Variants in MAPK8IP1 observed in about 807,000 individuals in gnomAD.
MAPK8IP1 encodes C-Jun-amino-terminal kinase-interacting protein 1.
MAPK8IP1 carries 17 observed loss-of-function variants against 72.6 expected under a neutral mutation model. That is an observed-to-expected ratio of 0.23 (90% CI 0.16 to 0.35). The LOEUF is 0.35. MAPK8IP1 is among the 10% of genes least tolerant of loss of function. The pLI, the probability that MAPK8IP1 is intolerant of heterozygous loss-of-function variation, is 1.00. For synonymous variants in MAPK8IP1, 401 were observed against 443.4 expected, an observed-to-expected ratio of 0.90 and a Z score of 1.20; for missense variants, 789 against 1,009.7, an observed-to-expected ratio of 0.78 and a Z score of 2.96.
intron 1 of MAPK8IP1, among the ~76,000 whole-genome samples, chr11:45,887,346 T>G (rs1210585613): frequency 1.3e-5 from 2 of 152,180 alleles, no homozygotes; most frequent in Non-Finnish European, 2.9e-5. Flanking sequence ...TCAACAAGTG[T>G]CAGCCCCCAC....
intron 11 of MAPK8IP1, among the ~76,000 whole-genome samples, 189 bp from the exon 12 acceptor site, chr11:45,905,460 T>A (rs2086700163): frequency 6.6e-6 from 1 of 152,192 alleles, no homozygotes; most frequent in Non-Finnish European, 1.5e-5. Flanking sequence ...TGTTGGGCCA[T>A]GTCTTCAACT....
chr11:45,899,147 T>A (rs1182863491), intron 2 of MAPK8IP1, among the ~76,000 whole-genome samples: 1 of 152,176 alleles, frequency 6.6e-6, no homozygotes, highest in East Asian at 1.9e-4. Flanking sequence ...TACCCCAACC[T>A]TCCACTCTCT....
In MAPK8IP1 at chr11:45,902,942, A is replaced by C. The variant is rs1565074949; in HGVS notation, c.1175A>C (p.Glu392Ala). ...TLVVDEHAQL[E>A]LVSLRPCFGD... ...GTGGTAGATGAGCATGCACAGCTGG[A>C]GCTGGTGAGCCTGCGGCCGTGCTTC... Residue 392 changes from glutamate (E) to alanine (A), a missense_variant, in exon 5 of 12, where the codon GAG becomes GCG. By Grantham distance (107) the Glu-to-Ala change is moderately radical. Transcript: ENST00000241014. The surrounding 1 kb of genome is among the most constrained non-coding windows in gnomAD (Gnocchi z 9.3). 1 of 1,611,850 alleles carries C rather than the reference A, an allele frequency of 6.2e-7. No individual in the cohort carries two copies. Among genetic ancestry groups the C allele is most frequent in the Non-Finnish European group, 8.5e-7 (1 of 1,179,736 alleles).
intron 1 of MAPK8IP1, among the ~76,000 whole-genome samples, chr11:45,890,861 AC>A (rs2086561408): frequency 6.6e-6 from 1 of 152,100 alleles, no homozygotes; most frequent in Non-Finnish European, 1.5e-5. Flanking sequence ...GGGGCCAAAG[AC>A]CCTGGGAGTC....
Position 45,900,006 on chromosome 11 carries a change from C to T in MAPK8IP1, c.208-132C>T, listed in dbSNP as rs1241741927. ...GGACGGGCGAGAGCGCCCCAGTCTC[C>T]GGCGGCCCCTGCTCGGCTCCCCTCG... On this transcript the variant is annotated intron_variant, in intron 2 of 11. Coordinates refer to ENST00000241014, the MANE Select transcript of MAPK8IP1 (RefSeq NM_005456.4). The surrounding 1 kb of genome is among the most constrained non-coding windows in gnomAD (Gnocchi z 6.5). 4 of 480,876 alleles carry T rather than the reference C, an allele frequency of 8.3e-6. No individual in the cohort carries two copies. The highest frequency in any genetic ancestry group is 1.2e-5 in the Non-Finnish European group (4 of 336,882). 29.8% of individuals were successfully genotyped at this position (480,876 alleles called of 1,614,324 possible). A position where few individuals can be genotyped will look rare whatever the true frequency, so the allele number is the denominator to read the frequency against.
chr11:45,902,169 C>A lies in MAPK8IP1; in HGVS notation c.604+108C>A. 2 of 1,102,536 alleles carry A rather than the reference C, an allele frequency of 1.8e-6. No individual in the cohort carries two copies. Among genetic ancestry groups the A allele is most frequent in the Non-Finnish European group, 1.4e-6 (1 of 714,044 alleles). The allele number at this position is 1,102,536 out of a possible 1,614,324, so 68.3% of individuals were successfully genotyped here. On this transcript the variant is annotated intron_variant, in intron 4 of 11. Coordinates refer to ENST00000241014, the MANE Select transcript of MAPK8IP1 (RefSeq NM_005456.4). This position sits in a 1 kb window ranked among gnomAD's most constrained non-coding sequence, Gnocchi z 9.3. ...CAAAGGGCTGAGTAGAGGTGAACTG[C>A]CCACCCACATCCCTGCACGAGCCCA...
At position 45,900,240 on chromosome 11, in the gene MAPK8IP1, C is replaced by T; in HGVS notation, c.310C>T (p.Pro104Ser). Residue 104 changes from proline (P) to serine (S), a missense_variant, in exon 3 of 12, where the codon CCC (proline) becomes TCC (serine). Transcript: ENST00000241014. The surrounding 1 kb of genome is among the most constrained non-coding windows in gnomAD (Gnocchi z 6.5). ...CCTGATCGACGCGACGGGGGACACT[C>T]CCGGGGCCGAGGACGACGAGGAGGA... ...MDLIDATGDT[P>S]GAEDDEEDDD... The T allele has an allele frequency of 1.5e-6, 2 of 1,336,130 alleles. No homozygotes were observed. The highest frequency in any genetic ancestry group is 1.9e-6 in the Non-Finnish European group (2 of 1,050,836). 82.8% of individuals were successfully genotyped at this position (1,336,130 alleles called of 1,614,324 possible). A position where few individuals can be genotyped will look rare whatever the true frequency, so the allele number is the denominator to read the frequency against.
At chr11:45,905,541 A>G (rs1347174280) in intron 11 of MAPK8IP1, 108 bp from the exon 12 acceptor site, 6 of 990,760 alleles carry the variant, frequency 6.1e-6, no homozygotes, top group Non-Finnish European at 8.1e-6. Context: ...CAGAGGAACC[A>G]GAGCTGCACT....
At position 45,898,871 on chromosome 11, in the gene MAPK8IP1, A is replaced by G. The variant is rs150705478; in HGVS notation, c.207+681A>G. On this transcript the variant is annotated intron_variant, in intron 2 of 11. Coordinates refer to ENST00000241014, the MANE Select transcript of MAPK8IP1 (RefSeq NM_005456.4). ...CTGGGGTCAGATGGGGATCCCAACT[A>G]TGTCTTTTCAGAACAGGAAGAAGGG... Among the ~76,000 whole-genome samples, 34 of 152,300 alleles carry G rather than the reference A, an allele frequency of 2.2e-4. 1 individual carries two copies. The East Asian group carries it at 4.8e-3, about 22-fold the overall frequency.
intron 1 of MAPK8IP1, chr11:45,897,063 T>G: frequency 1.8e-6 from 2 of 1,131,032 alleles, no homozygotes; most frequent in Non-Finnish European, 2.6e-6. Context: ...CCTCCTAGGT[T>G]CCCCTGGGGG....
In MAPK8IP1 at chr11:45,900,139, C is replaced by T. The variant is rs2134673854; in HGVS notation, c.209C>T (p.Pro70Leu). 8 of 1,276,062 alleles carry T rather than the reference C, an allele frequency of 6.3e-6. No individual in the cohort carries two copies. In the South Asian group the frequency reaches 1.8e-4, roughly 29 times the overall value. 79.0% of individuals were successfully genotyped at this position (1,276,062 alleles called of 1,614,324 possible). A position where few individuals can be genotyped will look rare whatever the true frequency, so the allele number is the denominator to read the frequency against. ...LQCKDTLSLR[P>L]PRAGLLSAGG... is the part of the protein sequence containing the mutation. ...GACGCCCCTCCGTGCGCTGTGCAGC[C>T]CCCGCGCGCCGGGCTGCTCTCTGCG... is the stretch of plus-strand genomic sequence containing the variant. The change falls in exon 3 of 12, where the codon CCC (proline) becomes CTC (leucine). Residue 70 changes from proline (P) to leucine (L), a missense_variant and splice_region_variant. Around this residue, in one of 4 missense-constraint regions of MAPK8IP1, gnomAD observed 112 missense variants for 111.8 expected, o/e 1.00. Coordinates refer to ENST00000241014, the MANE Select transcript of MAPK8IP1 (RefSeq NM_005456.4). This position sits in a 1 kb window ranked among gnomAD's most constrained non-coding sequence, Gnocchi z 6.5.
intron 1 of MAPK8IP1, among the ~76,000 whole-genome samples, chr11:45,896,355 G>T (rs1167578575): frequency 6.6e-6 from 1 of 152,242 alleles, no homozygotes; most frequent in Non-Finnish European, 1.5e-5. Flanking sequence ...CATTCTTAGG[G>T]TGTTTGGGAA....
rs570105756 is a variant in MAPK8IP1, at chr11:45,906,120, C to T, written c.*399C>T. 851 of 382,854 alleles carry T rather than the reference C, an allele frequency of 2.2e-3. 3 individuals are homozygous for T. The highest frequency in any genetic ancestry group is 3.3e-3 in the Non-Finnish European group (686 of 207,188). 23.7% of individuals were successfully genotyped at this position (382,854 alleles called of 1,614,324 possible). On this transcript the variant is annotated 3_prime_UTR_variant, in exon 12 of 12. Coordinates refer to ENST00000241014, the MANE Select transcript of MAPK8IP1 (RefSeq NM_005456.4). Reference sequence around the variant, plus strand: ...GTGTCCTGCCTTGATGAAGCCTGTGCCACCTGCAAGTGCCCGCCCTGCCCC... The same window carrying T: ...GTGTCCTGCCTTGATGAAGCCTGTGTCACCTGCAAGTGCCCGCCCTGCCCC...
intron 1 of MAPK8IP1, among the ~76,000 whole-genome samples, chr11:45,886,159 G>A (rs2086525782): frequency 6.6e-6 from 1 of 152,348 alleles, no homozygotes; most frequent in East Asian, 1.9e-4. Context: ...CCTAGGCTGG[G>A]AGGTCTGCGC....
intron 1 of MAPK8IP1, chr11:45,896,743 C>A: frequency 6.8e-7 from 1 of 1,471,710 alleles, no homozygotes; most frequent in Non-Finnish European, 9.0e-7. Flanking sequence ...CTGCAGCAGG[C>A]AGGACGCAGA....
rs1249716697 is a variant in MAPK8IP1, at chr11:45,900,497, A to C, written c.522+45A>C. On this transcript the variant is annotated intron_variant, in intron 3 of 11. Coordinates refer to ENST00000241014, the MANE Select transcript of MAPK8IP1 (RefSeq NM_005456.4). This position sits in a 1 kb window ranked among gnomAD's most constrained non-coding sequence, Gnocchi z 6.5. ...GGCGGCGCCCTGGGCCGCCGCGGAG[A>C]TGTGAGGGGGAGCGCAGAGGGGCTG... The C allele has an allele frequency of 6.6e-7, 1 of 1,525,990 alleles. No homozygotes were observed. The highest frequency in any genetic ancestry group is 1.2e-5 in the South Asian group (1 of 83,300). The allele number at this position is 1,525,990 out of a possible 1,614,324, so 94.5% of individuals were successfully genotyped here.
chr11:45,898,632 A>G (rs2134672264), intron 2 of MAPK8IP1, among the ~76,000 whole-genome samples: 1 of 152,306 alleles, frequency 6.6e-6, no homozygotes, highest in East Asian at 1.9e-4. Context: ...CACCCCTGGA[A>G]TAGCTCCTGT....
Position 45,902,682 on chromosome 11 carries a change from C to T in MAPK8IP1, c.915C>T (p.Ser305=). 1.2e-6 allele frequency: 2 copies of T among 1,611,510 alleles called. No individual in the cohort carries two copies. Among genetic ancestry groups the T allele is most frequent in the Non-Finnish European group, 8.5e-7 (1 of 1,179,916 alleles). ...CCGCCTTCCTGCCGCCCACTGAGAG[C>T]CGGATGTCAGTCAGCTCCGATCCAG... ...PTSAFLPPTE[S]RMSVSSDPDP... Residue 305 remains serine, a synonymous_variant, in exon 5 of 12, where the codon AGC becomes AGT. Coordinates refer to ENST00000241014, the MANE Select transcript of MAPK8IP1 (RefSeq NM_005456.4). The surrounding 1 kb of genome is among the most constrained non-coding windows in gnomAD (Gnocchi z 9.3).
chr11:45,885,771 C>T lies in MAPK8IP1; in HGVS notation c.-50C>T. On this transcript the variant is annotated 5_prime_UTR_variant, in exon 1 of 12. Coordinates refer to ENST00000241014, the MANE Select transcript of MAPK8IP1 (RefSeq NM_005456.4). ...GCGCCTCCGCCTCCTTCGCAGCCGCCGCCTCCTCCGCGCCGCGCTCCGCCC... is the reference window on the plus strand; with the variant it reads ...GCGCCTCCGCCTCCTTCGCAGCCGCTGCCTCCTCCGCGCCGCGCTCCGCCC... 6 of 1,134,716 alleles carry T rather than the reference C, an allele frequency of 5.3e-6. No individual in the cohort carries two copies. Among genetic ancestry groups the T allele is most frequent in the Non-Finnish European group, 6.9e-6 (6 of 870,366 alleles). The allele number at this position is 1,134,716 out of a possible 1,614,324, so 70.3% of individuals were successfully genotyped here. A position where few individuals can be genotyped will look rare whatever the true frequency, so the allele number is the denominator to read the frequency against.
Sources: allele counts gnomAD v4.1 joint callset (sites outside exome capture counted in the v4.1 genomes callset), GRCh38; gene constraint gnomAD v4.1.1; regional missense constraint gnomAD v4.1.1; non-coding constraint Gnocchi (gnomAD v3.1); transcripts MANE v1.5; gene names NCBI Gene and HGNC (gene_info 2026-07-23, HGNC 2026-07-21).